The following CDH13 variants were observed in gnomAD, a reference collection of about 807,000 sequenced individuals.
CDH13 encodes cadherin 13.
CDH13 carries 24 observed loss-of-function variants against 63.8 expected under a neutral mutation model. The observed-to-expected ratio is 0.38, with a 90% CI of 0.27 to 0.53. The LOEUF (loss-of-function observed/expected upper bound fraction) is 0.53. Ranked by LOEUF, CDH13 falls within the 20% of genes least tolerant of loss-of-function variation. The probability of loss-of-function intolerance (pLI) is 0.85; values close to 1 mark genes in which losing one functional copy is unlikely to be tolerated. For missense variants in CDH13, 1,049 were observed against 903.1 expected (o/e 1.16, Z -2.07); for synonymous variants, 503 against 355.3 (o/e 1.42, Z -4.67).
At chr16:82,770,657 A>C (rs2035225162) in intron 1 of CDH13, among the ~76,000 whole-genome samples, 1 of 152,126 alleles carries the variant, frequency 6.6e-6, no homozygotes, top group Non-Finnish European at 1.5e-5. Flanking sequence ...ATATTCTTCC[A>C]TTTGGAGATA....
At chr16:83,470,982 C>T (rs146735104) in intron 6 of CDH13, among the ~76,000 whole-genome samples, 6 of 152,242 alleles carry the variant, frequency 3.9e-5, no homozygotes, top group African/African-American at 1.2e-4. Flanking sequence ...GTCACCTGCA[C>T]TCCTTGGCTC....
At chr16:82,681,090 A>C (rs1914490277) in intron 1 of CDH13, among the ~76,000 whole-genome samples, 1 of 152,204 alleles carries the variant, frequency 6.6e-6, no homozygotes, top group South Asian at 2.1e-4. Flanking sequence ...CAGCACTATC[A>C]GCAATCTGCA....
chr16:83,722,095 A>G (rs1909774794), intron 10 of CDH13, among the ~76,000 whole-genome samples: 1 of 152,170 alleles, frequency 6.6e-6, no homozygotes, highest in Non-Finnish European at 1.5e-5. Context: ...TTCCCAGGGA[A>G]GAAAGAGGAG....
intron 2 of CDH13, among the ~76,000 whole-genome samples, chr16:82,860,383 GTGTGT>G (rs1261003018): frequency 2.7e-4 from 21 of 76,848 alleles, no homozygotes; most frequent in East Asian, 1.1e-3. Flanking sequence ...TTGTGTGTGT[GTGTGT>G]GGGGGGGGGG....
At chr16:83,719,822 C>T (rs906062135) in intron 10 of CDH13, among the ~76,000 whole-genome samples, 1 of 152,180 alleles carries the variant, frequency 6.6e-6, no homozygotes, top group African/African-American at 2.4e-5. Flanking sequence ...GGAATACACT[C>T]ACATCAGCGT....
chr16:83,048,358 C>T (rs1917987496), intron 3 of CDH13, among the ~76,000 whole-genome samples: 1 of 152,168 alleles, frequency 6.6e-6, no homozygotes, highest in African/African-American at 2.4e-5. Context: ...TTCTGAAACA[C>T]AGGATGGGGG....
At chr16:83,302,302 A>G (rs1439585442) in intron 5 of CDH13, among the ~76,000 whole-genome samples, 1 of 152,180 alleles carries the variant, frequency 6.6e-6, no homozygotes, top group Non-Finnish European at 1.5e-5. Flanking sequence ...AGTTTTCTAA[A>G]TCTGTAAAAG....
At chr16:83,063,001 T>G (rs538979843) in intron 3 of CDH13, among the ~76,000 whole-genome samples, 1 of 150,022 alleles carries the variant, frequency 6.7e-6, no homozygotes, top group East Asian at 2.0e-4. Flanking sequence ...ATTGCTCTAT[T>G]ACCCAGGCTG....
chr16:83,705,586 C>G (rs908370105), intron 10 of CDH13, among the ~76,000 whole-genome samples: 3 of 152,172 alleles, frequency 2.0e-5, no homozygotes, highest in African/African-American at 7.2e-5. Context: ...CACGCCACTG[C>G]ACTCCAGCGT....
At chr16:83,075,910 C>G (rs1375856968) in intron 3 of CDH13, among the ~76,000 whole-genome samples, 1 of 152,190 alleles carries the variant, frequency 6.6e-6, no homozygotes, top group Non-Finnish European at 1.5e-5. Flanking sequence ...ATCCTCTAAA[C>G]ACATACGAGG....
intron 7 of CDH13, among the ~76,000 whole-genome samples, chr16:83,489,264 C>T (rs985597220): frequency 6.6e-6 from 1 of 152,036 alleles, no homozygotes; most frequent in African/African-American, 2.4e-5. Flanking sequence ...TTCATTTGGG[C>T]TTTCATTAAG....
At chr16:83,353,134 C>G (rs1233956750) in intron 6 of CDH13, among the ~76,000 whole-genome samples, 1 of 152,220 alleles carries the variant, frequency 6.6e-6, no homozygotes, top group African/African-American at 2.4e-5. Context: ...ATATGTTACT[C>G]AGGTGATAGT....
At chr16:82,830,664 C>T (rs537677312) in intron 1 of CDH13, among the ~76,000 whole-genome samples, 1 of 152,194 alleles carries the variant, frequency 6.6e-6, no homozygotes, top group Non-Finnish European at 1.5e-5. Flanking sequence ...TTTGACATGC[C>T]ATGATGGCAT....
At chr16:82,859,790 C>G (rs1236297660) in intron 2 of CDH13, 1 of 150,928 alleles carries the variant, frequency 6.6e-6, no homozygotes, top group Non-Finnish European at 1.5e-5. Context: ...GGGACACACT[C>G]TAAGAGTCGA....
intron 1 of CDH13, among the ~76,000 whole-genome samples, chr16:82,736,613 T>C (rs761074735): frequency 6.6e-6 from 1 of 152,204 alleles, no homozygotes; most frequent in Non-Finnish European, 1.5e-5. Context: ...GTGATGGTAT[T>C]TTTTTCCTCT....
intron 9 of CDH13, among the ~76,000 whole-genome samples, chr16:83,672,188 G>C (rs907039473): frequency 6.6e-5 from 10 of 152,024 alleles, no homozygotes; most frequent in African/African-American, 2.2e-4. Context: ...TCCCTCTTAG[G>C]GTTGTTGTTG....
chr16:83,266,387 C>A (rs1158362458), intron 5 of CDH13, among the ~76,000 whole-genome samples: 6 of 152,134 alleles, frequency 3.9e-5, no homozygotes, highest in Admixed American at 3.3e-4. Flanking sequence ...TGAATTCTAC[C>A]CTAAGAAGGG....
At chr16:83,408,774 G>A (rs2092084850) in intron 6 of CDH13, among the ~76,000 whole-genome samples, 1 of 152,206 alleles carries the variant, frequency 6.6e-6, no homozygotes, top group Admixed American at 6.5e-5. Flanking sequence ...CCTAGTGGAG[G>A]ATGGTGGCTG....
chr16:83,597,872 C>T (rs912321415), intron 7 of CDH13, among the ~76,000 whole-genome samples: 10 of 152,070 alleles, frequency 6.6e-5, no homozygotes, highest in Admixed American at 2.0e-4. Flanking sequence ...CTTGTGCTAC[C>T]GTAAGAATTT....
Sources: gnomAD v4.1 joint callset for allele counts (sites outside exome capture counted in the v4.1 genomes callset) on GRCh38, gnomAD v4.1.1 for gene constraint, MANE v1.5 for transcripts, NCBI Gene and HGNC (gene_info 2026-07-23, HGNC 2026-07-21) for gene names.